The following FSTL4 variants were observed in gnomAD, a reference collection of about 807,000 sequenced individuals.
FSTL4 encodes the protein follistatin like 4.
Under a neutral mutation model 78.2 loss-of-function variants are expected in FSTL4, and 28 were observed. The observed-to-expected ratio is 0.36, with a 90% confidence interval of 0.27 to 0.49. The LOEUF (loss-of-function observed/expected upper bound fraction) is 0.49, where lower values mean the gene tolerates loss of function less well. Among genes scored for constraint, FSTL4 ranks in the 20% least tolerant of loss-of-function variants. The probability of loss-of-function intolerance (pLI) is 0.98; values close to 1 mark genes in which losing one functional copy is unlikely to be tolerated. For missense variants in FSTL4, 922 were observed against 1,084.9 expected (o/e 0.85, Z 2.11); for synonymous variants, 422 against 440.5 (o/e 0.96, Z 0.53).
intron 4 of FSTL4, among the ~76,000 whole-genome samples, chr5:133,381,135 T>G (rs552677486): frequency 1.3e-5 from 2 of 151,978 alleles, no homozygotes; most frequent in Admixed American, 6.6e-5. Flanking sequence ...GAAAGGAGAG[T>G]GAAGTACAGT....
the FSTL4 span, among the ~76,000 whole-genome samples, chr5:133,657,350 A>G: frequency 0.12 from 18,309 of 152,198 alleles, 1,170 homozygotes; most frequent in South Asian, 0.17. Context: ...ATGACCAGGA[A>G]AAGAGTTAGC....
chr5:133,437,842 G>T (rs903465265), intron 3 of FSTL4, among the ~76,000 whole-genome samples: 6 of 151,736 alleles, frequency 4.0e-5, no homozygotes, highest in Middle Eastern at 6.3e-3. Flanking sequence ...TTGTCATTGA[G>T]AAGTTGTTCT....
chr5:133,300,264 T>G (rs1753504180), intron 6 of FSTL4, among the ~76,000 whole-genome samples: 1 of 152,212 alleles, frequency 6.6e-6, no homozygotes, highest in Non-Finnish European at 1.5e-5. Context: ...GGACACAGTC[T>G]GCTTGTTACC....
the FSTL4 span, among the ~76,000 whole-genome samples, chr5:133,690,204 A>C: frequency 6.6e-6 from 1 of 152,144 alleles, no homozygotes; most frequent in Non-Finnish European, 1.5e-5. Flanking sequence ...TCTGTCACCT[A>C]AAATGACCCC....
chr5:133,841,534 C>A, the FSTL4 span, among the ~76,000 whole-genome samples: 1 of 152,148 alleles, frequency 6.6e-6, no homozygotes, highest in Non-Finnish European at 1.5e-5. Flanking sequence ...TACCAGATGG[C>A]CTACACAGCC....
intron 6 of FSTL4, among the ~76,000 whole-genome samples, chr5:133,298,688 A>C (rs1561661760): frequency 6.6e-6 from 1 of 152,214 alleles, no homozygotes; most frequent in Non-Finnish European, 1.5e-5. Context: ...CAGGAAACTC[A>C]GCCATGGTGC....
chr5:133,391,293 C>T (rs976845994), intron 4 of FSTL4, among the ~76,000 whole-genome samples: 5 of 152,200 alleles, frequency 3.3e-5, no homozygotes, highest in Admixed American at 6.5e-5. Flanking sequence ...CCCAAATCAA[C>T]TTCTTCTTGC....
the FSTL4 span, among the ~76,000 whole-genome samples, chr5:133,734,350 T>C: frequency 6.6e-6 from 1 of 152,220 alleles, no homozygotes; most frequent in Admixed American, 6.5e-5. Context: ...CTAGGTATGA[T>C]AATAGCATTG....
At chr5:133,761,582 T>A in the FSTL4 span, among the ~76,000 whole-genome samples, 1 of 152,226 alleles carries the variant, frequency 6.6e-6, no homozygotes, top group African/African-American at 2.4e-5. Context: ...TGCACAGCCT[T>A]AAATGTAGCC....
chr5:133,316,830 T>C (rs758692299), intron 4 of FSTL4, among the ~76,000 whole-genome samples, 178 bp from the exon 5 acceptor site: 68 of 151,606 alleles, frequency 4.5e-4, no homozygotes, highest in Non-Finnish European at 8.1e-4. Context: ...ATCCATCCCA[T>C]AAATATTGAT....
the FSTL4 span, among the ~76,000 whole-genome samples, chr5:133,638,015 T>TA: frequency 5.9e-5 from 9 of 152,136 alleles, no homozygotes; most frequent in East Asian, 1.7e-3. Flanking sequence ...TTTCTGATCT[T>TA]ACTCTCTGCA....
At chr5:133,731,866 T>G in the FSTL4 span, among the ~76,000 whole-genome samples, 2 of 152,136 alleles carry the variant, frequency 1.3e-5, no homozygotes, top group Admixed American at 6.5e-5. Context: ...AATAAGCATT[T>G]TCTAATTATC....
the FSTL4 span, among the ~76,000 whole-genome samples, chr5:133,789,791 G>C: frequency 6.6e-6 from 1 of 152,182 alleles, no homozygotes; most frequent in African/African-American, 2.4e-5. Flanking sequence ...ATATGTTGGG[G>C]TGGGGGAATC....
chr5:133,340,315 A>C (rs968255924), intron 4 of FSTL4, among the ~76,000 whole-genome samples: 5 of 152,028 alleles, frequency 3.3e-5, no homozygotes, highest in African/African-American at 1.2e-4. Context: ...CATCCCTCTG[A>C]GGCATGGGGT....
At chr5:133,392,385 TG>T (rs1755871724) in intron 4 of FSTL4, among the ~76,000 whole-genome samples, 1 of 151,942 alleles carries the variant, frequency 6.6e-6, no homozygotes, top group African/African-American at 2.4e-5. Context: ...GTCAGAGGGA[TG>T]GGGGCTGGTC....
At chr5:133,404,986 C>A (rs1411871810) in intron 3 of FSTL4, among the ~76,000 whole-genome samples, 1 of 152,248 alleles carries the variant, frequency 6.6e-6, no homozygotes, top group African/African-American at 2.4e-5. Flanking sequence ...CTCTTCCACT[C>A]TTGGATGCCA....
At chr5:133,391,784 C>T (rs553834609) in intron 4 of FSTL4, among the ~76,000 whole-genome samples, 10 of 152,354 alleles carry the variant, frequency 6.6e-5, no homozygotes, top group Middle Eastern at 3.4e-3. Flanking sequence ...CCTAACCCCC[C>T]GGCCTGCTGC....
chr5:133,537,076 GCT>G (rs1342015324), intron 3 of FSTL4, among the ~76,000 whole-genome samples: 3 of 152,134 alleles, frequency 2.0e-5, no homozygotes, highest in Non-Finnish European at 2.9e-5. Context: ...ACAAGCTTCT[GCT>G]CTCACCAGCA....
At position 133,574,751 on chromosome 5, in the gene FSTL4, A is replaced by T. The variant is rs1263224657; in HGVS notation, c.127-7532T>A. On this transcript the variant is annotated intron_variant, in intron 2 of 15. Coordinates refer to ENST00000265342, the MANE Select transcript of FSTL4 (RefSeq NM_015082.2). ...GGAAAACTTCACTGCAGTGCAAAAG[A>T]AAAAACTCTGCAACATGTGATAATG... 6 of 152,254 alleles carry T rather than the reference A, an allele frequency of 3.9e-5. No individual in the cohort carries two copies. In the East Asian group the frequency reaches 1.2e-3, roughly 29 times the overall value. The allele number at this position is 152,254 out of a possible 1,614,324, so 9.4% of individuals were successfully genotyped here.
Sources: allele counts gnomAD v4.1 joint callset (sites outside exome capture counted in the v4.1 genomes callset), GRCh38; gene constraint gnomAD v4.1.1; transcripts MANE v1.5; gene names NCBI Gene and HGNC (gene_info 2026-07-23, HGNC 2026-07-21).